The following ICAM1 variants were observed in gnomAD, a reference collection of about 807,000 sequenced individuals.
ICAM1 encodes the protein ICAM-1.
Under a neutral mutation model 42.3 loss-of-function variants are expected in ICAM1, and 28 were observed. The observed-to-expected ratio is 0.66, with a 90% CI of 0.49 to 0.91. The LOEUF is 0.91. Among genes scored for constraint, ICAM1 ranks in the 40% least tolerant of loss-of-function variants. ICAM1 has a pLI of 0.00. For missense variants in ICAM1, 637 were observed against 688.6 expected (o/e 0.93, Z 0.84); for synonymous variants, 304 against 305.9 (o/e 0.99, Z 0.07).
chr19:10,271,311 G>A (rs2039978653), intron 1 of ICAM1, 85 bp downstream of exon 1: 2 of 1,222,316 alleles, frequency 1.6e-6, no homozygotes, highest in African/African-American at 3.0e-5. Flanking sequence ...GCATGCTTAG[G>A]TAGCTGTTTA....
intron 2 of ICAM1, among the ~76,000 whole-genome samples, chr19:10,281,727 T>C (rs2040060868): frequency 1.3e-5 from 2 of 149,362 alleles, no homozygotes; most frequent in South Asian, 4.3e-4. Flanking sequence ...GATGCTTTTT[T>C]TTTTTTTTTT....
At chr19:10,278,546 G>GTTTTTTTTTTTTT (rs1192848785) in intron 2 of ICAM1, among the ~76,000 whole-genome samples, 1 of 82,478 alleles carries the variant, frequency 1.2e-5, no homozygotes, top group African/African-American at 7.9e-5. Context: ...TGCCTGATAG[G>GTTTTTTTTTTTTT]TCTTTTTTTT....
intron 2 of ICAM1, chr19:10,282,194 A>G (rs2040065543): frequency 6.6e-6 from 1 of 152,206 alleles, no homozygotes; most frequent in Non-Finnish European, 1.5e-5. Context: ...CAGCCTCCCA[A>G]GTAGCAGGGA....
At chr19:10,283,057 A>T (rs1395789733) in intron 2 of ICAM1, 3 of 154,762 alleles carry the variant, frequency 1.9e-5, no homozygotes, top group Non-Finnish European at 4.3e-5. Context: ...TACAAAAATT[A>T]ACCTGGTGTG....
rs1800019 is a variant in ICAM1 at position 10,284,097 on chromosome 19, C to T, written c.702C>T (p.Thr234=). ...TCCTAGAGGTGGACACGCAGGGGACCGTGGTCTGTTCCCTGGACGGGCTGT... is the reference window on the plus strand; with the variant it reads ...TCCTAGAGGTGGACACGCAGGGGACTGTGGTCTGTTCCCTGGACGGGCTGT... ...PRVLEVDTQG[T]VVCSLDGLFP... The change falls in exon 4 of 7, where the codon ACC becomes ACT. Residue 234 remains threonine (T), a synonymous_variant. Coordinates refer to ENST00000264832, the MANE Select transcript of ICAM1 (RefSeq NM_000201.3). This position sits in a 1 kb window ranked among gnomAD's most constrained non-coding sequence, Gnocchi z 5.4. The T allele has an allele frequency of 6.6e-5, 107 of 1,614,026 alleles. No homozygotes were observed. The highest frequency in any genetic ancestry group is 2.8e-4 in the Admixed American group (17 of 60,004).
At chr19:10,278,122 G>A (rs930577532) in intron 2 of ICAM1, among the ~76,000 whole-genome samples, 3 of 152,154 alleles carry the variant, frequency 2.0e-5, no homozygotes, top group Non-Finnish European at 2.9e-5. Context: ...ACCTGAGCCT[G>A]GGAGGTCCAG....
intron 3 of ICAM1, 46 bp downstream of exon 3, chr19:10,283,832 C>T (rs1035981432): frequency 9.1e-6 from 14 of 1,536,466 alleles, no homozygotes; most frequent in Non-Finnish European, 1.1e-5. Context: ...GGTGGGGTAT[C>T]CTGCAATGCG....
chr19:10,280,460 A>G (rs1257594360), intron 2 of ICAM1, among the ~76,000 whole-genome samples: 2 of 151,810 alleles, frequency 1.3e-5, no homozygotes, highest in East Asian at 2.0e-4. Flanking sequence ...TGCAGCCTCA[A>G]ACTCCCAGGC....
In ICAM1 at chr19:10,283,642, G is replaced by A. The variant is rs1307423569; in HGVS notation, c.493G>A (p.Glu165Lys). 2.5e-6 allele frequency: 4 copies of A among 1,613,948 alleles called. No individual in the cohort carries two copies. Among genetic ancestry groups the A allele is most frequent in the South Asian group, 1.1e-5 (1 of 91,054 alleles). Residue 165 changes from glutamate (E) to lysine (K), a missense_variant, in exon 3 of 7, where the codon GAG becomes AAG. Glu to Lys is a moderately conservative substitution (Grantham distance 56). Transcript: ENST00000264832. ...KELKREPAVG[E>K]PAEVTTTVLV... is the part of the protein sequence containing the mutation. ...GCTGAAACGGGAGCCAGCTGTGGGG[G>A]AGCCCGCTGAGGTCACGACCACGGT...
rs770551007 is a variant in ICAM1, at chr19:10,284,561, C to A, written c.1084C>A (p.Pro362Thr). The A allele has an allele frequency of 3.7e-6, 6 of 1,614,146 alleles. No homozygotes were observed. The highest frequency in any genetic ancestry group is 8.5e-7 in the Non-Finnish European group (1 of 1,180,012). The change falls in exon 5 of 7, where the codon CCA becomes ACA. Residue 362 changes from proline to threonine, a missense_variant. By Grantham distance (38) the Pro-to-Thr change is conservative. Transcript: ENST00000264832. This position sits in a 1 kb window ranked among gnomAD's most constrained non-coding sequence, Gnocchi z 5.4. The stretch of plus-strand genomic sequence containing the variant: ...GGCCCAGCTCCTGCTGAAGGCCACC[C>A]CAGAGGACAACGGGCGCAGCTTCTC... ...PRAQLLLKAT[P>T]EDNGRSFSCS... is the part of the protein sequence containing the mutation.
At position 10,284,189 on chromosome 19, in the gene ICAM1, A is replaced by G; in HGVS notation, c.794A>G (p.Tyr265Cys). The change falls in exon 4 of 7, where the codon TAT (tyrosine) becomes TGT (cysteine). Residue 265 changes from tyrosine (Y) to cysteine (C), a missense_variant. Transcript: ENST00000264832. The surrounding 1 kb of genome is among the most constrained non-coding windows in gnomAD (Gnocchi z 5.4). ...CAGAGGTTGAACCCCACAGTCACCT[A>G]TGGCAACGACTCCTTCTCGGCCAAG... ...GDQRLNPTVTYGNDSFSAKAS... is the reference protein window; with the variant it reads ...GDQRLNPTVTCGNDSFSAKAS... 6.2e-7 allele frequency: 1 copy of G among 1,613,992 alleles called. No homozygotes were observed. Among genetic ancestry groups the G allele is most frequent in the Non-Finnish European group, 8.5e-7 (1 of 1,180,008 alleles).
At chr19:10,271,306 C>G in intron 1 of ICAM1, 80 bp downstream of exon 1, 1 of 1,247,718 alleles carries the variant, frequency 8.0e-7, no homozygotes, top group Non-Finnish European at 1.1e-6. Flanking sequence ...GTCATGCATG[C>G]TTAGGTAGCT....
At position 10,285,407 on chromosome 19, in the gene ICAM1, G is replaced by A; in HGVS notation, c.*120G>A. The A allele has an allele frequency of 1.1e-6, 1 of 921,854 alleles. No individual in the cohort carries two copies. The highest frequency in any genetic ancestry group is 1.6e-6 in the Non-Finnish European group (1 of 610,248). The allele number at this position is 921,854 out of a possible 1,614,324, so 57.1% of individuals were successfully genotyped here. A position where few individuals can be genotyped will look rare whatever the true frequency, so the allele number is the denominator to read the frequency against. ...CACCTACCGGCCCTGGGACGCCGGA[G>A]GACAGGGCATTGTCCTCAGTCAGAT... On this transcript the variant is annotated 3_prime_UTR_variant, in exon 7 of 7. Transcript: ENST00000264832.
At chr19:10,271,935 G>A (rs2039984619) in intron 1 of ICAM1, among the ~76,000 whole-genome samples, 1 of 152,108 alleles carries the variant, frequency 6.6e-6, no homozygotes, top group South Asian at 2.1e-4. Flanking sequence ...TCATGGTGGT[G>A]TAAGTTTGGG....
chr19:10,274,473 C>G (rs2040002920), intron 1 of ICAM1, among the ~76,000 whole-genome samples: 1 of 152,060 alleles, frequency 6.6e-6, no homozygotes, highest in African/African-American at 2.4e-5. Flanking sequence ...TCCCACCATG[C>G]CCAGCTAATT....
chr19:10,273,492 CA>C (rs58182824), intron 1 of ICAM1, among the ~76,000 whole-genome samples: 76,816 of 144,556 alleles, frequency 0.53, 20,027 homozygotes, highest in Middle Eastern at 0.66. Flanking sequence ...AACTCCGTCT[CA>C]AAAAAAAAAA....
Position 10,285,722 on chromosome 19 carries a change from C to T in ICAM1, c.*435C>T, listed in dbSNP as rs1182311182. On this transcript the variant is annotated 3_prime_UTR_variant, in exon 7 of 7. Coordinates refer to ENST00000264832, the MANE Select transcript of ICAM1 (RefSeq NM_000201.3). The stretch of plus-strand genomic sequence containing the variant: ...ATGTGTAGCATCAAAACACAAAGGC[C>T]CACACTTCCTGACGGATGCCAGCTT... The T allele has an allele frequency of 5.8e-6, 1 of 171,532 alleles. No individual in the cohort carries two copies. Among genetic ancestry groups the T allele is most frequent in the Non-Finnish European group, 1.3e-5 (1 of 79,120 alleles). The allele number at this position is 171,532 out of a possible 1,614,324, so 10.6% of individuals were successfully genotyped here. A position where few individuals can be genotyped will look rare whatever the true frequency, so the allele number is the denominator to read the frequency against.
In ICAM1 at chr19:10,284,084, A is replaced by G; in HGVS notation, c.689A>G (p.Asp230Gly). 2 of 1,613,794 alleles carry G rather than the reference A, an allele frequency of 1.2e-6. No individual in the cohort carries two copies. Among genetic ancestry groups the G allele is most frequent in the Non-Finnish European group, 1.7e-6 (2 of 1,179,966 alleles). Residue 230 changes from aspartate to glycine, a missense_variant, in exon 4 of 7, where the codon GAC (aspartate) becomes GGC (glycine). By Grantham distance (94) the Asp-to-Gly change is moderately conservative (BLOSUM62 -1). Coordinates refer to ENST00000264832, the MANE Select transcript of ICAM1 (RefSeq NM_000201.3). This position sits in a 1 kb window ranked among gnomAD's most constrained non-coding sequence, Gnocchi z 5.4. The stretch of plus-strand genomic sequence containing the variant: ...GTCAGCCCCCGGGTCCTAGAGGTGG[A>G]CACGCAGGGGACCGTGGTCTGTTCC... ...QLVSPRVLEV[D>G]TQGTVVCSLD...
intron 2 of ICAM1, 61 bp from the exon 3 acceptor site, chr19:10,283,417 TTCG>T (rs2040075032): frequency 6.8e-7 from 1 of 1,476,808 alleles, no homozygotes. Flanking sequence ...GCAGGTGCAG[TTCG>T]TCTGTTAGGC....
Sources: gnomAD v4.1 joint callset for allele counts (sites outside exome capture counted in the v4.1 genomes callset) on GRCh38, gnomAD v4.1.1 for gene constraint, Gnocchi (gnomAD v3.1) non-coding constraint, MANE v1.5 for transcripts, NCBI Gene and HGNC (gene_info 2026-07-23, HGNC 2026-07-21) for gene names.